LAMA1: variants seen among roughly 807,000 people sequenced by gnomAD.
LAMA1 encodes laminin subunit alpha 1, also known as laminin subunit alpha-1.
LAMA1 carries 219 observed loss-of-function variants against 348.7 expected under a neutral mutation model. The ratio of observed to expected loss-of-function variants is 0.63; its 90% CI spans 0.56 to 0.70. The LOEUF is 0.70. LAMA1 is among the 30% of genes least tolerant of loss of function. LAMA1 has a pLI of 0.00. For missense variants in LAMA1, 3,744 were observed against 3,888.0 expected (o/e 0.96, Z 0.99); for synonymous variants, 1,487 against 1,491.0 (o/e 1.00, Z 0.06).
chr18:7,087,373 A>G (rs2058222035), intron 1 of LAMA1, among the ~76,000 whole-genome samples: 1 of 152,240 alleles, frequency 6.6e-6, no homozygotes, highest in Non-Finnish European at 1.5e-5. Context: ...AACTTCCACC[A>G]TAAGATGAGT....
chr18:7,093,288 C>T (rs370774999), intron 1 of LAMA1, among the ~76,000 whole-genome samples: 27 of 151,990 alleles, frequency 1.8e-4, no homozygotes, highest in African/African-American at 4.6e-4. Flanking sequence ...GGGTGGCGGG[C>T]GCCTGTGGTC....
chr18:6,977,917 G>T (rs752684529), intron 43 of LAMA1, 36 bp from the exon 44 acceptor site: 2 of 1,603,976 alleles, frequency 1.2e-6, no homozygotes, highest in Non-Finnish European at 1.7e-6. Flanking sequence ...TGGCAAGAAA[G>T]TTGGGGAGAG....
At position 7,035,363 on chromosome 18, in the gene LAMA1, G is replaced by A. The variant is rs983626536; in HGVS notation, c.1839+624C>T. Among the ~76,000 whole-genome samples, 14 of 152,108 alleles carry A rather than the reference G, an allele frequency of 9.2e-5. No individual in the cohort carries two copies. In the South Asian group the frequency reaches 1.0e-3, roughly 11 times the overall value. The stretch of plus-strand genomic sequence containing the variant: ...CATCTGAGAGGCAAAGTGGCACAGG[G>A]AAGAAGAGACTTCAAAAAGAAGATT... On this transcript the variant is annotated intron_variant, in intron 13 of 62. Coordinates refer to ENST00000389658, the MANE Select transcript of LAMA1 (RefSeq NM_005559.4).
In LAMA1 at chr18:6,961,936, G is replaced by A. The variant is rs759608736; in HGVS notation, c.7452+9C>T. 3.1e-6 allele frequency: 5 copies of A among 1,606,554 alleles called. No individual in the cohort carries two copies. The Admixed American group carries it at 5.0e-5, about 16-fold the overall frequency. On this transcript the variant is annotated intron_variant, in intron 52 of 62. Transcript: ENST00000389658. The stretch of plus-strand genomic sequence containing the variant: ...AACTCATTTGAACATTAATAACAAT[G>A]TTTCCTACCTCCAGTAAACAGCCTT...
chr18:6,982,925 T>C (rs1174922563), intron 40 of LAMA1, among the ~76,000 whole-genome samples, 174 bp downstream of exon 40: 1 of 152,144 alleles, frequency 6.6e-6, no homozygotes, highest in Admixed American at 6.6e-5. Context: ...TATAAAGAAG[T>C]ATTTATGACC....
At chr18:7,115,937 C>T (rs957861131) in intron 1 of LAMA1, among the ~76,000 whole-genome samples, 9 of 151,874 alleles carry the variant, frequency 5.9e-5, no homozygotes, top group African/African-American at 1.5e-4. Flanking sequence ...CGAGATGGTG[C>T]CACTCCACTC....
chr18:7,042,910 G>A (rs772331803), intron 8 of LAMA1: 17 of 292,286 alleles, frequency 5.8e-5, no homozygotes, highest in Non-Finnish European at 7.6e-5. Context: ...AAAAAAGATT[G>A]GCTGAACATC....
chr18:6,957,027 C>G (rs566485965), intron 55 of LAMA1: 16 of 447,280 alleles, frequency 3.6e-5, no homozygotes, highest in African/African-American at 3.0e-4. Flanking sequence ...GAGCACCCCC[C>G]AGGTCAGCTC....
At chr18:7,029,427 C>T (rs2057958524) in intron 16 of LAMA1, among the ~76,000 whole-genome samples, 1 of 152,224 alleles carries the variant, frequency 6.6e-6, no homozygotes, top group Admixed American at 6.5e-5. Flanking sequence ...AGAGTAACTG[C>T]AATTTCATTT....
At chr18:7,081,951 A>T (rs528774284) in intron 1 of LAMA1, among the ~76,000 whole-genome samples, 2 of 152,370 alleles carry the variant, frequency 1.3e-5, no homozygotes, top group African/African-American at 4.8e-5. Context: ...GAAGGAATTC[A>T]TGGCTTCCAC....
At position 7,037,555 on chromosome 18, in the gene LAMA1, G is replaced by A. The variant is rs149515354; in HGVS notation, c.1737+23C>T. 52 of 1,613,354 alleles carry A rather than the reference G, an allele frequency of 3.2e-5. No homozygotes were observed. In the African/African-American group the frequency reaches 3.5e-4, roughly 11 times the overall value. ...CCCTGAGATCTTCATCTGAGACATC[G>A]CTACCTGCAGGGTCACACGCACCTT... On this transcript the variant is annotated intron_variant, in intron 12 of 62. Coordinates refer to ENST00000389658, the MANE Select transcript of LAMA1 (RefSeq NM_005559.4).
In LAMA1 at chr18:7,060,326, C is replaced by T. The variant is rs960046362; in HGVS notation, c.346-9390G>A. 3.3e-5 allele frequency among the ~76,000 whole-genome samples: 5 copies of T among 152,152 alleles called. No individual in the cohort carries two copies. The South Asian group carries it at 8.3e-4, about 25-fold the overall frequency. On this transcript the variant is annotated intron_variant, in intron 3 of 62. Transcript: ENST00000389658. ...ACGAGAAGAACATTTCAGAATAAAA[C>T]GTGATTTGTTTCTCTTTAAATTTGG...
At chr18:7,115,815 A>AAAAC (rs1491539551) in intron 1 of LAMA1, among the ~76,000 whole-genome samples, 12 of 31,090 alleles carry the variant, frequency 3.9e-4, no homozygotes, top group East Asian at 2.0e-3. Context: ...CTAAAAATAC[A>AAAAC]AAAAAAAAAA....
At position 7,012,044 on chromosome 18, in the gene LAMA1, G is replaced by A. The variant is rs1568030237; in HGVS notation, c.3458C>T (p.Ser1153Phe). The A allele has an allele frequency of 6.2e-7, 1 of 1,611,642 alleles. No individual in the cohort carries two copies. Among genetic ancestry groups the A allele is most frequent in the South Asian group, 1.1e-5 (1 of 90,588 alleles). Residue 1153 changes from serine (S) to phenylalanine (F), a missense_variant, in exon 24 of 63, where the codon TCC becomes TTC. By Grantham distance (155) the Ser-to-Phe change is radical. Transcript: ENST00000389658. ...CTCTGAGCAGAGGTGGGACAGCCCGGAGCAGAAGCACGGGCTGCAGCCCAG... is the reference window on the plus strand; with the variant it reads ...CTCTGAGCAGAGGTGGGACAGCCCGAAGCAGAAGCACGGGCTGCAGCCCAG... ...NPLGCSPCFC[S>F]GLSHLCSELE...
In LAMA1 at chr18:7,014,060, A is replaced by G; in HGVS notation, c.3127-9T>C. 1 of 1,607,832 alleles carries G rather than the reference A, an allele frequency of 6.2e-7. No homozygotes were observed. Among genetic ancestry groups the G allele is most frequent in the Admixed American group, 1.7e-5 (1 of 59,954 alleles). On this transcript the variant is annotated splice_polypyrimidine_tract_variant and intron_variant, in intron 22 of 62. Coordinates refer to ENST00000389658, the MANE Select transcript of LAMA1 (RefSeq NM_005559.4). ...AGACTGCAATTGCAGGCCTGAGAGA[A>G]GGGAAAACCAACTCAATTAAAAAGG...
Position 7,033,085 on chromosome 18 carries a change from C to T in LAMA1, c.2062G>A (p.Val688Ile), listed in dbSNP as rs373498964. The T allele has an allele frequency of 2.9e-4, 468 of 1,608,480 alleles. 1 individual carries two copies. The highest frequency in any genetic ancestry group is 3.6e-4 in the Non-Finnish European group (421 of 1,176,864). ...AKMALYRLES[V>I]SLDIASSNAI... is the part of the protein sequence containing the mutation. ...TTAGAGCTGGCTATGTCCAGAGAGA[C>T]GGACTCCAACCTACAAATAGACAGA... is the stretch of plus-strand genomic sequence containing the variant. The change falls in exon 15 of 63, where the codon GTC (valine) becomes ATC (isoleucine). Residue 688 changes from valine to isoleucine, a missense_variant. Physicochemically the swap from Val to Ile is conservative, Grantham distance 29. Transcript: ENST00000389658.
intron 1 of LAMA1, among the ~76,000 whole-genome samples, chr18:7,117,283 C>G (rs1003756900): frequency 2.6e-5 from 4 of 151,488 alleles, no homozygotes; most frequent in African/African-American, 9.7e-5. Flanking sequence ...GCCCGCGCAG[C>G]CGGGGCACTA....
At chr18:6,972,976 C>T (rs1054264124) in intron 47 of LAMA1, 81 bp downstream of exon 47, 57 of 1,516,426 alleles carry the variant, frequency 3.8e-5, no homozygotes, top group Non-Finnish European at 4.8e-5. Flanking sequence ...CAGGCGTGAG[C>T]CACCACGCCC....
chr18:6,956,819 T>G (rs942551428), intron 55 of LAMA1, 54 bp from the exon 56 acceptor site: 2 of 1,583,324 alleles, frequency 1.3e-6, no homozygotes, highest in Admixed American at 1.7e-5. Flanking sequence ...AACCAGTCCA[T>G]GAACCCAAGT....
Sources: allele counts gnomAD v4.1 joint callset (sites outside exome capture counted in the v4.1 genomes callset), GRCh38; gene constraint gnomAD v4.1.1; transcripts MANE v1.5; gene names NCBI Gene and HGNC (gene_info 2026-07-23, HGNC 2026-07-21).